Variants in PRAMEF2 observed in about 807,000 individuals in gnomAD.
PRAMEF2 encodes the protein PRAME family member 2.
In PRAMEF2, 35 loss-of-function variants were observed where a neutral mutation model predicts 38.0. That is an observed-to-expected ratio of 0.92 (90% CI 0.70 to 1.22). PRAMEF2 has a LOEUF of 1.22. Among genes scored for constraint, PRAMEF2 ranks in the 50% most tolerant of loss-of-function variants. The pLI is 0.00. For synonymous variants in PRAMEF2, 240 were observed against 232.4 expected (o/e 1.03, Z -0.30); for missense variants, 562 against 553.9 (o/e 1.01, Z -0.15).
rs1640496696 is a variant in PRAMEF2, at chr1:12,859,174, G to A, written c.165G>A (p.Met55Ile). 6.2e-6 allele frequency: 10 copies of A among 1,608,560 alleles called. No individual in the cohort carries two copies. Among genetic ancestry groups the A allele is most frequent in the Non-Finnish European group, 8.5e-6 (10 of 1,177,416 alleles). The change falls in exon 2 of 4, where the codon ATG (methionine) becomes ATA (isoleucine). Residue 55 changes from methionine (M) to isoleucine (I), a missense_variant. By Grantham distance (10) the Met-to-Ile change is conservative (BLOSUM62 1). Transcript: ENST00000240189. ...GACACTTCCAGACTCTGACGGTGAT[G>A]GTGCAGGCCTGGCCTTTCACCTGCC... Reference protein sequence around the residue: ...SRRHFQTLTVMVQAWPFTCLP... With the variant: ...SRRHFQTLTVIVQAWPFTCLP...
Position 12,859,871 on chromosome 1 carries a change from A to C in PRAMEF2, c.466A>C (p.Lys156Gln). 6.2e-7 allele frequency: 1 copy of C among 1,608,098 alleles called. No homozygotes were observed. The highest frequency in any genetic ancestry group is 2.2e-5 in the East Asian group (1 of 44,826). Residue 156 changes from lysine (K) to glutamine (Q), a missense_variant, in exon 3 of 4, where the codon AAG becomes CAG. By Grantham distance (53) the Lys-to-Gln change is moderately conservative. Around this residue, in one of 2 missense-constraint regions of PRAMEF2, gnomAD observed 486 missense variants for 444.2 expected, o/e 1.09. Transcript: ENST00000240189. ...AAAGGTGTTCATAGACATCTGCCTCAAGGAAATACCCCAGGATGAATGCCT... is the reference window on the plus strand; with the variant it reads ...AAAGGTGTTCATAGACATCTGCCTCCAGGAAATACCCCAGGATGAATGCCT... ...PLKVFIDICL[K>Q]EIPQDECLRY...
chr1:12,859,921 C>A lies in PRAMEF2; in HGVS notation c.516C>A (p.Tyr172Ter), dbSNP rs1640516594. 1.2e-6 allele frequency: 2 copies of A among 1,608,454 alleles called. No homozygotes were observed. Among genetic ancestry groups the A allele is most frequent in the Non-Finnish European group, 8.5e-7 (1 of 1,177,302 alleles). Residue 172 changes from tyrosine to a stop codon, truncating the protein, a stop_gained, in exon 3 of 4, where the codon TAC becomes TAA. Coordinates refer to ENST00000240189, the MANE Select transcript of PRAMEF2 (RefSeq NM_023014.1). LOFTEE classifies it high-confidence loss of function. ...ECLRYLFQWV[Y>*]QRRGLVHLCC... Reference sequence around the variant, plus strand: ...TGAGATACCTCTTCCAGTGGGTTTACCAAAGGAGAGGTTTAGTACACCTGT... The same window carrying A: ...TGAGATACCTCTTCCAGTGGGTTTAACAAAGGAGAGGTTTAGTACACCTGT...
chr1:12,860,982 T>A (rs1321658760), intron 3 of PRAMEF2, among the ~76,000 whole-genome samples: 1 of 146,188 alleles, frequency 6.8e-6, no homozygotes, highest in Non-Finnish European at 1.5e-5. Flanking sequence ...ACAAAAAGGC[T>A]TTAGAGATTT....
intron 2 of PRAMEF2, 88 bp from the exon 3 acceptor site, chr1:12,859,605 G>C: frequency 1.3e-6 from 2 of 1,573,928 alleles, no homozygotes; most frequent in African/African-American, 2.7e-5. Context: ...CTGAGGACAG[G>C]AGCAGCTGAT....
chr1:12,857,628 G>A (rs537470678), intron 1 of PRAMEF2, among the ~76,000 whole-genome samples: 1 of 141,814 alleles, frequency 7.1e-6, no homozygotes, highest in South Asian at 2.2e-4. Context: ...GTATGTGGAA[G>A]TGATGTCTAT....
chr1:12,860,251 G>T lies in PRAMEF2; in HGVS notation c.846G>T (p.Gly282=), dbSNP rs749970229. The T allele has an allele frequency of 1.2e-5, 20 of 1,606,948 alleles. 2 individuals are homozygous for T. The highest frequency in any genetic ancestry group is 1.7e-5 in the Non-Finnish European group (20 of 1,176,656). ...TAAAATTGATCACCTTCTTCAGTGGGCACCTGGAACAGCTGATCAGGTGAG... is the reference window on the plus strand; with the variant it reads ...TAAAATTGATCACCTTCTTCAGTGGTCACCTGGAACAGCTGATCAGGTGAG... ...LKIKLITFFS[G]HLEQLIRCLQ... is the part of the protein sequence containing the mutation. Residue 282 remains glycine (G), a synonymous_variant, in exon 3 of 4, where the codon GGG becomes GGT. Transcript: ENST00000240189.
intron 2 of PRAMEF2, 111 bp downstream of exon 2, chr1:12,859,407 G>C: frequency 6.4e-7 from 1 of 1,567,916 alleles, no homozygotes; most frequent in South Asian, 1.2e-5. Flanking sequence ...TGATGGTGTT[G>C]GCGAGGAAGC....
At chr1:12,860,557 T>C (rs1251426762) in intron 3 of PRAMEF2, among the ~76,000 whole-genome samples, 1 of 149,772 alleles carries the variant, frequency 6.7e-6, no homozygotes, top group Non-Finnish European at 1.5e-5. Flanking sequence ...CACGTGTGAA[T>C]TTCCTGTTAC....
At chr1:12,860,910 GTT>G (rs1375683733) in intron 3 of PRAMEF2, among the ~76,000 whole-genome samples, 5 of 149,416 alleles carry the variant, frequency 3.3e-5, no homozygotes, top group Non-Finnish European at 5.9e-5. Context: ...TGAGTTCTTT[GTT>G]CACATCTCCC....
chr1:12,858,338 CCT>C (rs1640479705), intron 1 of PRAMEF2, among the ~76,000 whole-genome samples: 1 of 150,136 alleles, frequency 6.7e-6, no homozygotes, highest in Non-Finnish European at 1.5e-5. Flanking sequence ...CTCACTGAAA[CCT>C]CTGCCTTCTG....
At chr1:12,860,397 G>A (rs1349473238) in intron 3 of PRAMEF2, 126 bp downstream of exon 3, 11 of 1,514,948 alleles carry the variant, frequency 7.3e-6, no homozygotes, top group Non-Finnish European at 8.9e-6. Context: ...ACACCAGAAT[G>A]TCAACACATT....
Position 12,859,075 on chromosome 1 carries a change from C to G in PRAMEF2, c.66C>G (p.Ala22=). The G allele has an allele frequency of 6.2e-7, 1 of 1,604,930 alleles. No homozygotes were observed. Among genetic ancestry groups the G allele is most frequent in the Non-Finnish European group, 8.5e-7 (1 of 1,176,482 alleles). The change falls in exon 2 of 4, where the codon GCC becomes GCG. Residue 22 remains alanine, a synonymous_variant. Coordinates refer to ENST00000240189, the MANE Select transcript of PRAMEF2 (RefSeq NM_023014.1). ...LAGQSLLRDQ[A]LSISAMEELP... The stretch of plus-strand genomic sequence containing the variant: ...GGCAGAGCCTGCTGAGAGACCAGGC[C>G]TTGTCCATCTCTGCCATGGAGGAGC...
chr1:12,859,646 G>A, intron 2 of PRAMEF2, 47 bp from the exon 3 acceptor site: 1 of 1,603,756 alleles, frequency 6.2e-7, no homozygotes, highest in Non-Finnish European at 8.5e-7. Context: ...CAAAGGTCAG[G>A]GATGAGTCCC....
rs181668039 is a variant in PRAMEF2, at chr1:12,859,306, C to T, written c.287+10C>T. ...AGAAGGATCGCCCCAGGTGAGGTGA[C>T]CCAGGAGGGCTAGTAGATAGGGCTC... On this transcript the variant is annotated intron_variant, in intron 2 of 3. Transcript: ENST00000240189. The T allele has an allele frequency of 6.2e-7, 1 of 1,608,494 alleles. No individual in the cohort carries two copies. Among genetic ancestry groups the T allele is most frequent in the African/African-American group, 1.3e-5 (1 of 74,418 alleles).
intron 2 of PRAMEF2, 110 bp from the exon 3 acceptor site, chr1:12,859,583 G>A: frequency 1.3e-6 from 2 of 1,522,678 alleles, no homozygotes; most frequent in Non-Finnish European, 1.8e-6. Context: ...AAGACAAAGA[G>A]AACAGGGAGC....
chr1:12,858,265 G>A (rs187729229), intron 1 of PRAMEF2, among the ~76,000 whole-genome samples: 2 of 149,790 alleles, frequency 1.3e-5, no homozygotes, highest in African/African-American at 4.9e-5. Context: ...TTATCAATTT[G>A]TTTATTTTTG....
Position 12,860,176 on chromosome 1 carries a change from C to G in PRAMEF2, c.771C>G (p.Thr257=). The change falls in exon 3 of 4, where the codon ACC becomes ACG. Residue 257 remains threonine, a synonymous_variant. Transcript: ENST00000240189. ...SDNELEGWLV[T]RFTSVFLRLE... ...ATGAACTCGAGGGATGGTTAGTCAC[C>G]AGATTCACCTCTGTGTTCCTCAGGC... 6.2e-7 allele frequency: 1 copy of G among 1,606,910 alleles called. No homozygotes were observed.
Position 12,860,104 on chromosome 1 carries a change from T to G in PRAMEF2, c.699T>G (p.Thr233=), listed in dbSNP as rs777142201. 9 of 1,606,142 alleles carry G rather than the reference T, an allele frequency of 5.6e-6. No individual in the cohort carries two copies. The highest frequency in any genetic ancestry group is 1.1e-5 in the South Asian group (1 of 90,476). ...KLYCYLKEMK[T]LCKLVFSRCH... Reference sequence around the variant, plus strand: ...ATTGTTACCTGAAGGAGATGAAGACTCTTTGCAAACTCGTTTTCTCCAGGT... The same window carrying G: ...ATTGTTACCTGAAGGAGATGAAGACGCTTTGCAAACTCGTTTTCTCCAGGT... Residue 233 remains threonine (T), a synonymous_variant, in exon 3 of 4, where the codon ACT becomes ACG. Coordinates refer to ENST00000240189, the MANE Select transcript of PRAMEF2 (RefSeq NM_023014.1).
chr1:12,858,353 G>A (rs1489661584), intron 1 of PRAMEF2, among the ~76,000 whole-genome samples: 3 of 150,134 alleles, frequency 2.0e-5, no homozygotes, highest in Non-Finnish European at 4.4e-5. Flanking sequence ...GCCTTCTGGA[G>A]TCAAATGATT....
Sources: allele counts gnomAD v4.1 joint callset (sites outside exome capture counted in the v4.1 genomes callset), GRCh38; gene constraint gnomAD v4.1.1; regional missense constraint gnomAD v4.1.1; transcripts MANE v1.5; gene names NCBI Gene and HGNC (gene_info 2026-07-23, HGNC 2026-07-21).